The following MAP3K20 variants were observed in gnomAD, a reference collection of about 807,000 sequenced individuals.
MAP3K20 encodes HCCS-4.
In MAP3K20, 40 loss-of-function variants were observed where a neutral mutation model predicts 85.7. The ratio of observed to expected loss-of-function variants is 0.47; its 90% CI spans 0.36 to 0.61. The LOEUF is 0.61. Among genes scored for constraint, MAP3K20 ranks in the 20% least tolerant of loss-of-function variants. MAP3K20 has a pLI of 0.00. For synonymous variants in MAP3K20, 325 were observed against 327.7 expected (o/e 0.99, Z 0.09); for missense variants, 817 against 961.7 (o/e 0.85, Z 1.99).
At position 173,260,954 on chromosome 2, in the gene MAP3K20, T is replaced by C. The variant is rs13407885; in HGVS notation, c.1477-109T>C. On this transcript the variant is annotated intron_variant, in intron 17 of 19. Transcript: ENST00000375213. ...ACAAGGCTTTCATGATAATCTGATA[T>C]TATGCCCCTATTTGCTAATTGTGTA... The C allele has an allele frequency of 4.1e-4, 343 of 846,336 alleles. 1 individual carries two copies. In the African/African-American group the frequency reaches 5.2e-3, roughly 13 times the overall value. 52.4% of individuals were successfully genotyped at this position (846,336 alleles called of 1,614,324 possible).
At chr2:173,173,377 G>A (rs1449472848) in intron 3 of MAP3K20, among the ~76,000 whole-genome samples, 1 of 152,104 alleles carries the variant, frequency 6.6e-6, no homozygotes, top group Non-Finnish European at 1.5e-5. Context: ...CAGGGTTCTG[G>A]TGAGAAGTGA....
intron 2 of MAP3K20, among the ~76,000 whole-genome samples, chr2:173,093,519 G>A (rs1687362883): frequency 6.6e-6 from 1 of 152,028 alleles, no homozygotes; most frequent in African/African-American, 2.4e-5. Context: ...CTAGTGTAGT[G>A]AGTATGTACT....
At chr2:173,171,519 T>C (rs1217795694) in intron 3 of MAP3K20, among the ~76,000 whole-genome samples, 1 of 152,214 alleles carries the variant, frequency 6.6e-6, no homozygotes, top group Non-Finnish European at 1.5e-5. Flanking sequence ...AGTGGTGATA[T>C]GAAATTCTTT....
Position 173,091,183 on chromosome 2 carries a change from A to C in MAP3K20, c.152A>C (p.Glu51Ala). 6.2e-7 allele frequency: 1 copy of C among 1,612,036 alleles called. No homozygotes were observed. The highest frequency in any genetic ancestry group is 2.2e-5 in the East Asian group (1 of 44,824). Residue 51 changes from glutamate (E) to alanine (A), a missense_variant, in exon 2 of 20, where the codon GAG becomes GCG. Coordinates refer to ENST00000375213, the MANE Select transcript of MAP3K20 (RefSeq NM_016653.3). ...EVAVKKLLKI[E>A]KEAEILSVLS... ...GCTGTAAAGAAGCTCCTCAAAATAG[A>C]GAAAGAGGTAAGGTCTTTTCCAGCT...
intron 2 of MAP3K20, among the ~76,000 whole-genome samples, chr2:173,147,483 G>A (rs1235290165): frequency 6.6e-6 from 1 of 152,096 alleles, no homozygotes; most frequent in Non-Finnish European, 1.5e-5. Context: ...AAATTTTGGG[G>A]GTGCATATTG....
Position 173,266,058 on chromosome 2 carries a change from T to G in MAP3K20, c.1711T>G (p.Cys571Gly). Reference sequence around the variant, plus strand: ...TTCCATTTCTCCCGCAGGTGCTGATTGCCAGTGGTTAGATACTCTGAGGAT... The same window carrying G: ...TTCCATTTCTCCCGCAGGTGCTGATGGCCAGTGGTTAGATACTCTGAGGAT... ...PGSRSDSSAD[C>G]QWLDTLRMRQ... The change falls in exon 20 of 20, where the codon TGC (cysteine) becomes GGC (glycine). Residue 571 changes from cysteine to glycine, a missense_variant. Physicochemically the swap from Cys to Gly is radical, Grantham distance 159 (BLOSUM62 -3). Transcript: ENST00000375213. 1 of 1,566,666 alleles carries G rather than the reference T, an allele frequency of 6.4e-7. No homozygotes were observed. Among genetic ancestry groups the G allele is most frequent in the Non-Finnish European group, 8.7e-7 (1 of 1,153,142 alleles).
At chr2:173,117,187 GA>G (rs1688149138) in intron 2 of MAP3K20, among the ~76,000 whole-genome samples, 1 of 152,218 alleles carries the variant, frequency 6.6e-6, no homozygotes, top group Non-Finnish European at 1.5e-5. Flanking sequence ...AAGCAAATCT[GA>G]AAGAATGAGG....
At chr2:173,253,292 G>A (rs16861441) in intron 16 of MAP3K20, among the ~76,000 whole-genome samples, 8,565 of 152,118 alleles carry the variant, frequency 0.056, 889 homozygotes, top group East Asian at 0.52. Context: ...CTCCTAATTC[G>A]GTTCTGGCAC....
chr2:173,110,883 A>G (rs1388035472), intron 2 of MAP3K20, among the ~76,000 whole-genome samples: 2 of 152,222 alleles, frequency 1.3e-5, no homozygotes, highest in African/African-American at 2.4e-5. Context: ...CAATGCTGCT[A>G]TAAACATGCG....
intron 2 of MAP3K20, among the ~76,000 whole-genome samples, chr2:173,135,880 T>TAATTAACTGAATTTA (rs1223391706): frequency 7.9e-5 from 12 of 152,376 alleles, no homozygotes; most frequent in Admixed American, 5.2e-4. Flanking sequence ...TGTATAATTT[T>TAATTAACTGAATTTA]AATTAACTGA....
At position 173,252,506 on chromosome 2, in the gene MAP3K20, A is replaced by T. The variant is rs548626583; in HGVS notation, c.1360-6193A>T. 3.3e-5 allele frequency among the ~76,000 whole-genome samples: 5 copies of T among 152,320 alleles called. No individual in the cohort carries two copies. In the East Asian group the frequency reaches 9.6e-4, roughly 29 times the overall value. Reference sequence around the variant, plus strand: ...ACCCACCAGAATTGTTGTATTTTTCATTCATGTCAAACACACACATTCCCC... The same window carrying T: ...ACCCACCAGAATTGTTGTATTTTTCTTTCATGTCAAACACACACATTCCCC... On this transcript the variant is annotated intron_variant, in intron 16 of 19. Transcript: ENST00000375213.
intron 14 of MAP3K20, among the ~76,000 whole-genome samples, chr2:173,234,599 T>C (rs906714370): frequency 6.6e-6 from 1 of 152,160 alleles, no homozygotes; most frequent in Admixed American, 6.6e-5. Context: ...GATTTTGGAA[T>C]GTAGACCAGG....
At chr2:173,206,755 C>T (rs1343485218) in intron 9 of MAP3K20, among the ~76,000 whole-genome samples, 3 of 152,034 alleles carry the variant, frequency 2.0e-5, no homozygotes, top group African/African-American at 7.3e-5. Context: ...ATGTATTTGC[C>T]TATTGCACAT....
chr2:173,229,433 A>T (rs1034842901), intron 11 of MAP3K20, among the ~76,000 whole-genome samples: 1 of 152,166 alleles, frequency 6.6e-6, no homozygotes, highest in African/African-American at 2.4e-5. Flanking sequence ...GTGGGATGTA[A>T]AAACCAGGTA....
chr2:173,115,415 A>G (rs1474990870), intron 2 of MAP3K20, among the ~76,000 whole-genome samples: 1 of 151,994 alleles, frequency 6.6e-6, no homozygotes, highest in African/African-American at 2.4e-5. Context: ...TTTCAGGTAA[A>G]TAAGGGATTT....
rs113513439 is a variant in MAP3K20 at position 173,087,851 on chromosome 2, A to T, written c.-34-3147A>T. Among the ~76,000 whole-genome samples, 1,023 of 151,996 alleles carry T rather than the reference A, an allele frequency of 6.7e-3. 6 individuals carry two copies. The highest frequency in any genetic ancestry group is 8.2e-3 in the Non-Finnish European group (559 of 67,966). ...TCTATTCAGGTAACTAATGGGAGATATGTGTGTCATCAAAACAAGGGAGTA... is the reference window on the plus strand; with the variant it reads ...TCTATTCAGGTAACTAATGGGAGATTTGTGTGTCATCAAAACAAGGGAGTA... On this transcript the variant is annotated intron_variant, in intron 1 of 19. Coordinates refer to ENST00000375213, the MANE Select transcript of MAP3K20 (RefSeq NM_016653.3).
intron 2 of MAP3K20, among the ~76,000 whole-genome samples, chr2:173,109,215 C>T (rs998240153): frequency 2.6e-5 from 4 of 152,216 alleles, no homozygotes; most frequent in Non-Finnish European, 5.9e-5. Flanking sequence ...ATACTGCAGA[C>T]ATTTTAAGTT....
intron 2 of MAP3K20, among the ~76,000 whole-genome samples, chr2:173,144,201 C>T (rs766933227): frequency 3.3e-5 from 5 of 151,726 alleles, no homozygotes; most frequent in Non-Finnish European, 5.9e-5. Context: ...TGGTGGCTCA[C>T]GCCTGTAATC....
At chr2:173,169,752 G>A in intron 2 of MAP3K20, 53 bp from the exon 3 acceptor site, 2 of 1,541,504 alleles carry the variant, frequency 1.3e-6, no homozygotes, top group Admixed American at 3.6e-5. Context: ...TGTTTTATTT[G>A]ACTATTATAA....
Sources: gnomAD v4.1 joint callset for allele counts (sites outside exome capture counted in the v4.1 genomes callset) on GRCh38, gnomAD v4.1.1 for gene constraint, MANE v1.5 for transcripts, NCBI Gene and HGNC (gene_info 2026-07-23, HGNC 2026-07-21) for gene names.